The following USP25 variants were observed in gnomAD, a reference collection of about 807,000 sequenced individuals.
USP25 encodes ubiquitin carboxyl-terminal hydrolase 25.
In USP25, 85 loss-of-function variants were observed where a neutral mutation model predicts 158.5. That is an observed-to-expected ratio of 0.54 (90% CI 0.45 to 0.64). The LOEUF is 0.64. USP25 is among the 30% of genes least tolerant of loss of function. USP25 has a pLI of 0.00. For synonymous variants in USP25, 464 were observed against 460.4 expected (o/e 1.01, Z -0.10); for missense variants, 1,242 against 1,327.3 (o/e 0.94, Z 1.00).
chr21:15,782,970 T>G (rs2035051228), intron 4 of USP25, among the ~76,000 whole-genome samples: 1 of 152,148 alleles, frequency 6.6e-6, no homozygotes, highest in Non-Finnish European at 1.5e-5. Flanking sequence ...AAAGAAACTT[T>G]TGAGTTGTAA....
chr21:15,799,926 G>A (rs1015904032), intron 6 of USP25, 83 bp downstream of exon 6: 1 of 828,600 alleles, frequency 1.2e-6, no homozygotes, highest in Non-Finnish European at 1.8e-6. Flanking sequence ...CATTTACTTG[G>A]CTCATCAAAT....
At chr21:15,736,518 G>C (rs181954194) in intron 1 of USP25, among the ~76,000 whole-genome samples, 1 of 151,966 alleles carries the variant, frequency 6.6e-6, no homozygotes, top group African/African-American at 2.4e-5. Context: ...TCTCCATTCA[G>C]TTTTGATGGA....
At chr21:15,873,587 C>T (rs904315094) in intron 23 of USP25, among the ~76,000 whole-genome samples, 1 of 152,010 alleles carries the variant, frequency 6.6e-6, no homozygotes, top group Middle Eastern at 3.4e-3. Flanking sequence ...CCTCACCCTC[C>T]ACCTCCCGGG....
rs183182252 is a variant in USP25, at chr21:15,849,761, C to G, written c.2452-16C>G. 2 of 1,506,702 alleles carry G rather than the reference C, an allele frequency of 1.3e-6. No homozygotes were observed. Among genetic ancestry groups the G allele is most frequent in the Admixed American group, 5.0e-5 (2 of 39,912 alleles). The allele number at this position is 1,506,702 out of a possible 1,614,324, so 93.3% of individuals were successfully genotyped here. A position where few individuals can be genotyped will look rare whatever the true frequency, so the allele number is the denominator to read the frequency against. The stretch of plus-strand genomic sequence containing the variant: ...TTTAAAAACCTTTTTTTAATGTTAA[C>G]TATCTTCTGTGGCAGATCATGATGA... On this transcript the variant is annotated splice_polypyrimidine_tract_variant and intron_variant, in intron 19 of 25. Transcript: ENST00000400183.
intron 1 of USP25, among the ~76,000 whole-genome samples, chr21:15,758,366 C>T (rs1226712589): frequency 6.6e-6 from 1 of 152,070 alleles, no homozygotes; most frequent in Non-Finnish European, 1.5e-5. Flanking sequence ...TGGGAGGGAC[C>T]AGGTGGAAAT....
At chr21:15,772,194 T>C (rs915698068) in intron 3 of USP25, among the ~76,000 whole-genome samples, 1 of 152,226 alleles carries the variant, frequency 6.6e-6, no homozygotes, top group Non-Finnish European at 1.5e-5. Flanking sequence ...AGTTGATGAC[T>C]AGCATATATT....
chr21:15,877,826 G>T lies in USP25; in HGVS notation c.3040G>T (p.Glu1014Ter). The change falls in exon 25 of 26, where the codon GAA becomes TAA. Residue 1014 changes from glutamate (E) to a stop codon, truncating the protein, a stop_gained. Transcript: ENST00000400183. LOFTEE classifies it high-confidence loss of function. ...AAATGAGCAAGCCGCAGAACTCTTCGAATCTGGAGAGGATCGAGAAGTAAA... is the reference window on the plus strand; with the variant it reads ...AAATGAGCAAGCCGCAGAACTCTTCTAATCTGGAGAGGATCGAGAAGTAAA... Reference protein sequence around the residue: ...KLNEQAAELFESGEDREVNNG... With the variant: ...KLNEQAAELF The T allele has an allele frequency of 6.2e-7, 1 of 1,611,448 alleles. No individual in the cohort carries two copies. The highest frequency in any genetic ancestry group is 1.1e-5 in the South Asian group (1 of 90,660).
intron 3 of USP25, 67 bp from the exon 4 acceptor site, chr21:15,777,837 C>T: frequency 7.0e-7 from 1 of 1,432,598 alleles, no homozygotes; most frequent in South Asian, 1.5e-5. Context: ...GATATAAAAT[C>T]TCCATAATAA....
chr21:15,830,519 T>C lies in USP25; in HGVS notation c.1694-12T>C, dbSNP rs748596815. 2 of 1,599,322 alleles carry C rather than the reference T, an allele frequency of 1.3e-6. No individual in the cohort carries two copies. The highest frequency in any genetic ancestry group is 4.5e-5 in the East Asian group (2 of 44,330). On this transcript the variant is annotated splice_polypyrimidine_tract_variant and intron_variant, in intron 14 of 25. Coordinates refer to ENST00000400183, the MANE Select transcript of USP25 (RefSeq NM_001283041.3). Reference sequence around the variant, plus strand: ...TTGCTGTTAATCATTAAATGACACCTTATATCCTTAGATTTGCAGGAAAGC... The same window carrying C: ...TTGCTGTTAATCATTAAATGACACCCTATATCCTTAGATTTGCAGGAAAGC...
At chr21:15,827,655 G>A (rs2037578083) in intron 14 of USP25, among the ~76,000 whole-genome samples, 1 of 152,064 alleles carries the variant, frequency 6.6e-6, no homozygotes, top group South Asian at 2.1e-4. Flanking sequence ...AGATTTATGA[G>A]TATCTATGAT....
In USP25 at chr21:15,834,267, T is replaced by C. The variant is rs535500349; in HGVS notation, c.2194+719T>C. ...AGTAAAATTGAAAATATATTGTCTTTTTATTTTCTTAAAAGATTACTCTTC... is the reference window on the plus strand; with the variant it reads ...AGTAAAATTGAAAATATATTGTCTTCTTATTTTCTTAAAAGATTACTCTTC... On this transcript the variant is annotated intron_variant, in intron 17 of 25. Coordinates refer to ENST00000400183, the MANE Select transcript of USP25 (RefSeq NM_001283041.3). Among the ~76,000 whole-genome samples the C allele has an allele frequency of 5.3e-5, 8 of 152,314 alleles. No homozygotes were observed. In the East Asian group the frequency reaches 1.5e-3, roughly 29 times the overall value.
intron 15 of USP25, 129 bp downstream of exon 15, chr21:15,830,730 AAAT>A (rs1409489050): frequency 1.5e-6 from 1 of 669,728 alleles, no homozygotes; most frequent in African/African-American, 1.8e-5. Flanking sequence ...TCTTATTGTA[AAAT>A]AATAAGGGCT....
chr21:15,794,430 G>C (rs2035754536), intron 5 of USP25, among the ~76,000 whole-genome samples: 1 of 151,538 alleles, frequency 6.6e-6, no homozygotes, highest in Non-Finnish European at 1.5e-5. Context: ...CTATTCACTT[G>C]GTACTTTTAT....
intron 1 of USP25, among the ~76,000 whole-genome samples, chr21:15,741,805 AT>A (rs1228024761): frequency 6.6e-6 from 1 of 152,234 alleles, no homozygotes; most frequent in Admixed American, 6.5e-5. Context: ...ACAAATTGAG[AT>A]TGCACAATTT....
At position 15,846,475 on chromosome 21, in the gene USP25, A is replaced by G. The variant is rs79801912; in HGVS notation, c.2338-1188A>G. Among the ~76,000 whole-genome samples, 1,050 of 151,906 alleles carry G rather than the reference A, an allele frequency of 6.9e-3. 9 individuals carry two copies. The highest frequency in any genetic ancestry group is 0.025 in the African/African-American group (1,017 of 41,458). ...CCACGCCATGCCAAAAATAGTGTTT[A>G]TTTTAAAAGGGGCAGTACCAGTTGC... On this transcript the variant is annotated intron_variant, in intron 18 of 25. Transcript: ENST00000400183.
chr21:15,818,654 C>A (rs781154651), intron 9 of USP25, 44 bp from the exon 10 acceptor site: 7 of 1,531,696 alleles, frequency 4.6e-6, no homozygotes, highest in Non-Finnish European at 6.2e-6. Flanking sequence ...TTTTAGTAGC[C>A]AGAAGGCCAT....
intron 12 of USP25, among the ~76,000 whole-genome samples, chr21:15,825,532 G>C (rs2037459502): frequency 6.6e-6 from 1 of 152,134 alleles, no homozygotes; most frequent in South Asian, 2.1e-4. Context: ...GGGAATGAAT[G>C]CCATTCCATA....
At chr21:15,739,161 C>A (rs1301288431) in intron 1 of USP25, among the ~76,000 whole-genome samples, 2 of 148,290 alleles carry the variant, frequency 1.3e-5, no homozygotes, top group Non-Finnish European at 3.0e-5. Flanking sequence ...TGTATAATTT[C>A]AGTTTTTGTG....
intron 16 of USP25, among the ~76,000 whole-genome samples, chr21:15,832,863 A>C (rs2037875477): frequency 6.6e-6 from 1 of 152,024 alleles, no homozygotes; most frequent in African/African-American, 2.4e-5. Flanking sequence ...TAAAAATACA[A>C]AAAAATTAGC....
Sources: allele counts gnomAD v4.1 joint callset (sites outside exome capture counted in the v4.1 genomes callset), GRCh38; gene constraint gnomAD v4.1.1; transcripts MANE v1.5; gene names NCBI Gene and HGNC (gene_info 2026-07-23, HGNC 2026-07-21).